Variants in GDI2 observed in about 807,000 individuals in gnomAD.
The protein encoded by GDI2 is GDP dissociation inhibitor 2, also known as rab GDP dissociation inhibitor beta.
In GDI2, 22 loss-of-function variants were observed where a neutral mutation model predicts 54.2. That is an observed-to-expected ratio of 0.41 (90% CI 0.29 to 0.58). The LOEUF (loss-of-function observed/expected upper bound fraction) is 0.58, where lower values mean the gene tolerates loss of function less well. GDI2 is among the 20% of genes least tolerant of loss of function. GDI2 has a pLI of 0.35. For missense variants in GDI2, 422 were observed against 546.0 expected, an observed-to-expected ratio of 0.77 and a Z score of 2.26; for synonymous variants, 177 against 182.1, an observed-to-expected ratio of 0.97 and a Z score of 0.23.
At chr10:5,772,532 G>A (rs571176363) in intron 7 of GDI2, among the ~76,000 whole-genome samples, 6 of 152,220 alleles carry the variant, frequency 3.9e-5, no homozygotes, top group Middle Eastern at 3.4e-3. Context: ...TGAGGCGGGC[G>A]GATCACTTGG....
chr10:5,796,898 A>T (rs761583796), intron 2 of GDI2, 36 bp from the exon 3 acceptor site: 6 of 1,035,934 alleles, frequency 5.8e-6, no homozygotes, highest in Non-Finnish European at 9.0e-6. Flanking sequence ...TAATGTTAAC[A>T]AAATTTAATT....
At chr10:5,808,241 T>C (rs1438117526) in intron 1 of GDI2, among the ~76,000 whole-genome samples, 1 of 152,120 alleles carries the variant, frequency 6.6e-6, no homozygotes, top group Non-Finnish European at 1.5e-5. Flanking sequence ...GGGAGGATCA[T>C]TTGAGCCTGG....
chr10:5,799,643 T>C (rs528021460), intron 2 of GDI2, among the ~76,000 whole-genome samples: 1 of 152,316 alleles, frequency 6.6e-6, no homozygotes, highest in Admixed American at 6.5e-5. Flanking sequence ...CAGAGCAAGA[T>C]TCTGTCTCCA....
At position 5,789,448 on chromosome 10, in the gene GDI2, C is replaced by T. The variant is rs1436865847; in HGVS notation, c.389-3398G>A. 2.0e-5 allele frequency among the ~76,000 whole-genome samples: 3 copies of T among 151,834 alleles called. No individual in the cohort carries two copies. The East Asian group carries it at 5.8e-4, about 29-fold the overall frequency. On this transcript the variant is annotated intron_variant, in intron 4 of 10. Transcript: ENST00000380191. ...AGGGTCTTGCTATATAAGGATATATCGTCCAGGCTAGAGGTGCAGTGACTA... is the reference window on the plus strand; with the variant it reads ...AGGGTCTTGCTATATAAGGATATATTGTCCAGGCTAGAGGTGCAGTGACTA...
At chr10:5,767,179 G>C (rs1432404542) in intron 8 of GDI2, among the ~76,000 whole-genome samples, 1 of 150,202 alleles carries the variant, frequency 6.7e-6, no homozygotes, top group African/African-American at 2.4e-5. Flanking sequence ...TTGGATAGGA[G>C]AGCATTTAAA....
intron 4 of GDI2, among the ~76,000 whole-genome samples, chr10:5,791,447 T>C (rs1290900994): frequency 1.3e-5 from 2 of 151,996 alleles, no homozygotes; most frequent in East Asian, 3.9e-4. Flanking sequence ...CGGTCTCTAC[T>C]AAAACATACA....
intron 1 of GDI2, among the ~76,000 whole-genome samples, chr10:5,811,060 T>C (rs1841472160): frequency 6.6e-6 from 1 of 152,174 alleles, no homozygotes; most frequent in Admixed American, 6.5e-5. Context: ...CATTCAAAAG[T>C]TAATTCTGAG....
At chr10:5,801,910 C>A (rs924786909) in intron 1 of GDI2, among the ~76,000 whole-genome samples, 3 of 149,044 alleles carry the variant, frequency 2.0e-5, no homozygotes, top group Admixed American at 2.0e-4. Context: ...ACTCAGGAGG[C>A]TGAGGCAGAA....
Position 5,781,014 on chromosome 10 carries a change from C to G in GDI2, c.719+4128G>C, listed in dbSNP as rs183864993. Among the ~76,000 whole-genome samples, 97 of 152,226 alleles carry G rather than the reference C, an allele frequency of 6.4e-4. 1 individual carries two copies. The highest frequency in any genetic ancestry group is 5.8e-3 in the Admixed American group (88 of 15,292). ...TAATATAAAACTATAATTATCCAGA[C>G]AGTGTAGTACTGGCATAGGAAATAC... On this transcript the variant is annotated intron_variant, in intron 6 of 10. Transcript: ENST00000380191.
chr10:5,796,841 G>T lies in GDI2; in HGVS notation c.175C>A (p.Pro59Thr), dbSNP rs768378594. ...LEDLYKRFKI[P>T]GSPPESMGRG... ...CCCATTGACTCGGGTGGTGATCCTGGTATTTTAAATCTTTTGTATAACTAA... is the reference window on the plus strand; with the variant it reads ...CCCATTGACTCGGGTGGTGATCCTGTTATTTTAAATCTTTTGTATAACTAA... Residue 59 changes from proline to threonine, a missense_variant, in exon 3 of 11, where the codon CCA becomes ACA. Physicochemically the swap from Pro to Thr is conservative, Grantham distance 38. Transcript: ENST00000380191. 5.7e-6 allele frequency: 9 copies of T among 1,572,798 alleles called. No homozygotes were observed. In the South Asian group the frequency reaches 7.8e-5, roughly 14 times the overall value.
At chr10:5,785,656 G>A (rs117040846) in intron 5 of GDI2, among the ~76,000 whole-genome samples, 196 bp downstream of exon 5, 5,027 of 152,252 alleles carry the variant, frequency 0.033, 139 homozygotes, top group Non-Finnish European at 0.05. Flanking sequence ...GATCACAGGC[G>A]TGAGCCACCA....
At chr10:5,787,531 C>T (rs1438474917) in intron 4 of GDI2, among the ~76,000 whole-genome samples, 1 of 151,900 alleles carries the variant, frequency 6.6e-6, no homozygotes, top group East Asian at 1.9e-4. Context: ...AAACATGAGG[C>T]TATTAATGAC....
At chr10:5,798,503 C>T (rs977667844) in intron 2 of GDI2, among the ~76,000 whole-genome samples, 11 of 151,376 alleles carry the variant, frequency 7.3e-5, no homozygotes, top group African/African-American at 2.7e-4. Flanking sequence ...GCACGAGAAT[C>T]GTTTGAGCCT....
At chr10:5,786,116 G>C (rs546950542) in intron 4 of GDI2, 66 bp from the exon 5 acceptor site, 24 of 1,003,694 alleles carry the variant, frequency 2.4e-5, no homozygotes, top group South Asian at 2.1e-4. Flanking sequence ...CGAAGTATGA[G>C]AGCAAAGTTT....
intron 1 of GDI2, among the ~76,000 whole-genome samples, 173 bp from the exon 2 acceptor site, chr10:5,800,878 T>G (rs1841254445): frequency 6.6e-6 from 1 of 152,246 alleles, no homozygotes; most frequent in Non-Finnish European, 1.5e-5. Context: ...GTGTGGTCTG[T>G]GGGCTCCTAT....
chr10:5,812,333 T>TAA, intron 1 of GDI2, among the ~76,000 whole-genome samples: 1 of 152,242 alleles, frequency 6.6e-6, no homozygotes, highest in East Asian at 1.9e-4. Flanking sequence ...TAGGTACACC[T>TAA]TGCATTCATA....
chr10:5,765,768 GAA>G lies in GDI2; in HGVS notation c.*236_*237del, dbSNP rs34959016. The G allele has an allele frequency of 2.6e-5, 8 of 311,826 alleles. No individual in the cohort carries two copies. Among genetic ancestry groups the G allele is most frequent in the East Asian group, 6.3e-5 (1 of 15,762 alleles). 19.3% of individuals were successfully genotyped at this position (311,826 alleles called of 1,614,324 possible). A position where few individuals can be genotyped will look rare whatever the true frequency, so the allele number is the denominator to read the frequency against. Reference sequence around the variant, plus strand: ...TCCCAATGTTTGTTTAACTTCACTAGAAAAAAAAAAAGCCAGTTTGGTTAAAT... The same window carrying G: ...TCCCAATGTTTGTTTAACTTCACTAGAAAAAAAAAGCCAGTTTGGTTAAAT... On this transcript the variant is annotated 3_prime_UTR_variant, in exon 11 of 11. Coordinates refer to ENST00000380191, the MANE Select transcript of GDI2 (RefSeq NM_001494.4).
rs1564393007 is a variant in GDI2, at chr10:5,785,133, G to A, written c.719+9C>T. The A allele has an allele frequency of 1.3e-6, 2 of 1,578,192 alleles. No individual in the cohort carries two copies. Among genetic ancestry groups the A allele is most frequent in the East Asian group, 2.3e-5 (1 of 44,268 alleles). On this transcript the variant is annotated intron_variant, in intron 6 of 10. Coordinates refer to ENST00000380191, the MANE Select transcript of GDI2 (RefSeq NM_001494.4). ...TTGGATCACTGAGGTTTTAAACACA[G>A]GCTCTTACCTTGCAAATCCTTGGGG...
Position 5,805,113 on chromosome 10 carries a change from T to G in GDI2, c.46-4408A>C, listed in dbSNP as rs1252802928. On this transcript the variant is annotated intron_variant, in intron 1 of 10. Transcript: ENST00000380191. ...TCCCAAAGTGCTGTGATTACAGGGG[T>G]GAGCCATGGCACCCGGCTACTATCG... is the stretch of plus-strand genomic sequence containing the variant. 2.0e-5 allele frequency among the ~76,000 whole-genome samples: 3 copies of G among 152,186 alleles called. No homozygotes were observed. In the East Asian group the frequency reaches 5.8e-4, roughly 29 times the overall value.
Sources: allele counts gnomAD v4.1 joint callset (sites outside exome capture counted in the v4.1 genomes callset), GRCh38; gene constraint gnomAD v4.1.1; transcripts MANE v1.5; gene names NCBI Gene and HGNC (gene_info 2026-07-23, HGNC 2026-07-21).